MEPE: variants seen among roughly 807,000 people sequenced by gnomAD.
MEPE encodes the protein matrix, extracellular phosphoglycoprotein with ASARM motif (bone).
In MEPE, 7 loss-of-function variants were observed where a neutral mutation model predicts 7.3. That is an observed-to-expected ratio of 0.95 (90% confidence interval 0.54 to 1.79). The LOEUF is 1.79. MEPE is among the 40% of genes most tolerant of loss of function. MEPE has a pLI of 0.00. For synonymous variants in MEPE, 214 were observed against 213.1 expected (o/e 1.00, Z -0.04); for missense variants, 623 against 628.2 (o/e 0.99, Z 0.09).
At chr4:87,841,378 C>A (rs1441645170) in intron 3 of MEPE, among the ~76,000 whole-genome samples, 1 of 152,130 alleles carries the variant, frequency 6.6e-6, no homozygotes, top group East Asian at 1.9e-4. Flanking sequence ...TGATATACTA[C>A]AAAGTTTATT....
chr4:87,830,444 T>G (rs1470531618), upstream of MEPE, among the ~76,000 whole-genome samples: 2 of 152,194 alleles, frequency 1.3e-5, no homozygotes, highest in African/African-American at 4.8e-5. Flanking sequence ...TGGCTGGAGC[T>G]GGAGGCCATT....
In MEPE at chr4:87,824,553, A is replaced by G. The variant is rs540593858; in HGVS notation, c.-13+3082A>G. ...AACAAATGAACATGACTGTGTTCCA[A>G]TAAAACTTTATCTGCCAAAACAGGT... On this transcript the variant is annotated intron_variant, in intron 1 of 3. Coordinates refer to the MEPE transcript ENST00000424957. Among the ~76,000 whole-genome samples the G allele has an allele frequency of 4.9e-4, 74 of 152,354 alleles. No homozygotes were observed. In the South Asian group the frequency reaches 0.015, roughly 31 times the overall value.
rs1369912637 is a variant in MEPE, at chr4:87,846,392, T to A, written c.1524T>A (p.Asp508Glu). 1 of 1,613,972 alleles carries A rather than the reference T, an allele frequency of 6.2e-7. No individual in the cohort carries two copies. The highest frequency in any genetic ancestry group is 1.1e-5 in the South Asian group (1 of 91,074). ...SNRRFSSRRR[D>E]DSSESSDSGS... ...GGAGGTTTAGTTCCCGTAGAAGGGATGACAGTAGTGAGTCATCTGACAGTG... is the reference window on the plus strand; with the variant it reads ...GGAGGTTTAGTTCCCGTAGAAGGGAAGACAGTAGTGAGTCATCTGACAGTG... The change falls in exon 4 of 4, where the codon GAT becomes GAA. Residue 508 changes from aspartate (D) to glutamate (E), a missense_variant. By Grantham distance (45) the Asp-to-Glu change is conservative (BLOSUM62 2). Coordinates refer to ENST00000361056, the MANE Select transcript of MEPE (RefSeq NM_020203.6).
chr4:87,836,565 AAG>A (rs1452969009), intron 2 of MEPE, among the ~76,000 whole-genome samples: 1 of 152,112 alleles, frequency 6.6e-6, no homozygotes, highest in African/African-American at 2.4e-5. Flanking sequence ...TATATTTTTG[AAG>A]AGTGATATAA....
In MEPE at chr4:87,845,590, A is replaced by G; in HGVS notation, c.722A>G (p.Tyr241Cys). ...CCCAGTGATTTTGAAGGCAGCGGTT[A>G]TACAGATCTTCAAGAGAGAGGGGAC... is the stretch of plus-strand genomic sequence containing the variant. ...KIPSDFEGSG[Y>C]TDLQERGDND... Residue 241 changes from tyrosine (Y) to cysteine (C), a missense_variant, in exon 4 of 4, where the codon TAT (tyrosine) becomes TGT (cysteine). Tyr to Cys is a radical substitution (Grantham distance 194, BLOSUM62 -2). Coordinates refer to ENST00000361056, the MANE Select transcript of MEPE (RefSeq NM_020203.6). 6.2e-7 allele frequency: 1 copy of G among 1,613,654 alleles called. No homozygotes were observed. Among genetic ancestry groups the G allele is most frequent in the Non-Finnish European group, 8.5e-7 (1 of 1,179,892 alleles).
intron 1 of MEPE, among the ~76,000 whole-genome samples, chr4:87,823,587 T>G (rs534563912): frequency 3.9e-5 from 6 of 152,346 alleles, no homozygotes; most frequent in African/African-American, 1.4e-4. Context: ...TTGTTTCTGA[T>G]GCGGGCTTCA....
In MEPE at chr4:87,846,357, C is replaced by T. The variant is rs1723264774; in HGVS notation, c.1489C>T (p.His497Tyr). The change falls in exon 4 of 4, where the codon CAT (histidine) becomes TAT (tyrosine). Residue 497 changes from histidine to tyrosine, a missense_variant. Physicochemically the swap from His to Tyr is moderately conservative, Grantham distance 83 (BLOSUM62 2). Coordinates refer to ENST00000361056, the MANE Select transcript of MEPE (RefSeq NM_020203.6). The stretch of plus-strand genomic sequence containing the variant: ...GAAAGGCTCCTGGGGTAGACAACCC[C>T]ATTCCAACAGGAGGTTTAGTTCCCG... ...QGKGSWGRQPHSNRRFSSRRR... is the reference protein window; with the variant it reads ...QGKGSWGRQPYSNRRFSSRRR... 3 of 1,613,954 alleles carry T rather than the reference C, an allele frequency of 1.9e-6. No individual in the cohort carries two copies. Among genetic ancestry groups the T allele is most frequent in the Non-Finnish European group, 8.5e-7 (1 of 1,179,966 alleles).
intron 2 of MEPE, among the ~76,000 whole-genome samples, chr4:87,835,995 AG>A (rs143364649): frequency 0.036 from 5,539 of 152,004 alleles, 304 homozygotes; most frequent in African/African-American, 0.13. Flanking sequence ...TCTCCATTAC[AG>A]GGCCACATTC....
chr4:87,839,885 T>C (rs1722947472), intron 3 of MEPE: 1 of 1,541,618 alleles, frequency 6.5e-7, no homozygotes, highest in Non-Finnish European at 8.7e-7. Flanking sequence ...CTGGGGTTTC[T>C]GTCTTATGGC....
Position 87,846,240 on chromosome 4 carries a change from A to G in MEPE, c.1372A>G (p.Ser458Gly), listed in dbSNP as rs1361654532. The change falls in exon 4 of 4, where the codon AGT (serine) becomes GGT (glycine). Residue 458 changes from serine (S) to glycine (G), a missense_variant. By Grantham distance (56) the Ser-to-Gly change is moderately conservative. Coordinates refer to ENST00000361056, the MANE Select transcript of MEPE (RefSeq NM_020203.6). The stretch of plus-strand genomic sequence containing the variant: ...CGAAATGGATTCCTTTAATGGCCCC[A>G]GTCATGAGAATATAATAACACATGG... Reference protein sequence around the residue: ...KNEMDSFNGPSHENIITHGRK... With the variant: ...KNEMDSFNGPGHENIITHGRK... The G allele has an allele frequency of 1.2e-6, 2 of 1,613,992 alleles. No individual in the cohort carries two copies. The highest frequency in any genetic ancestry group is 4.5e-5 in the East Asian group (2 of 44,898).
chr4:87,830,161 G>A (rs1309468429), upstream of MEPE, among the ~76,000 whole-genome samples: 4 of 152,124 alleles, frequency 2.6e-5, no homozygotes, highest in Admixed American at 6.6e-5. Flanking sequence ...CCTAGTCCTG[G>A]AAGATGTTCT....
intron 3 of MEPE, chr4:87,839,892 T>C (rs1722947792): frequency 3.9e-6 from 6 of 1,540,972 alleles, no homozygotes; most frequent in African/African-American, 1.4e-5. Flanking sequence ...TTCTGTCTTA[T>C]GGCTGGCACT....
At chr4:87,824,924 T>G (rs2109987685) in intron 1 of MEPE, among the ~76,000 whole-genome samples, 1 of 152,284 alleles carries the variant, frequency 6.6e-6, no homozygotes, top group Admixed American at 6.5e-5. Context: ...CACAGCTCAC[T>G]GCAGGCTCGA....
rs1722637890 is a variant in MEPE at position 87,832,996 on chromosome 4, T to C, written c.-31T>C. On this transcript the variant is annotated 5_prime_UTR_variant, in exon 1 of 4. Coordinates refer to ENST00000361056, the MANE Select transcript of MEPE (RefSeq NM_020203.6). ...TCCTGCAACAAGAAGCCAGGTATTC[T>C]GAAGGTGAAAGATACCAGGTAATTT... 1 of 152,206 alleles carries C rather than the reference T, an allele frequency of 6.6e-6. No homozygotes were observed. The highest frequency in any genetic ancestry group is 1.5e-5 in the Non-Finnish European group (1 of 68,032). 9.4% of individuals were successfully genotyped at this position (152,206 alleles called of 1,614,324 possible). A position where few individuals can be genotyped will look rare whatever the true frequency, so the allele number is the denominator to read the frequency against.
At chr4:87,832,383 C>T (rs2109993574), upstream of MEPE, among the ~76,000 whole-genome samples, 1 of 152,266 alleles carries the variant, frequency 6.6e-6, no homozygotes, top group East Asian at 1.9e-4. Flanking sequence ...GTCCCCACCC[C>T]CAATGCTTGT....
intron 1 of MEPE, 121 bp from the exon 2 acceptor site, chr4:87,834,581 CA>C (rs1273255864): frequency 5.7e-6 from 4 of 704,478 alleles, no homozygotes; most frequent in Non-Finnish European, 9.5e-6. Flanking sequence ...CACACATACA[CA>C]AAAGGATATG....
At chr4:87,823,883 T>A (rs1471376849) in intron 1 of MEPE, among the ~76,000 whole-genome samples, 1 of 152,256 alleles carries the variant, frequency 6.6e-6, no homozygotes, top group African/African-American at 2.4e-5. Context: ...TTTATCCATG[T>A]ACAGTGTAGC....
chr4:87,827,214 C>T (rs1722492051), intron 1 of MEPE, among the ~76,000 whole-genome samples: 1 of 152,144 alleles, frequency 6.6e-6, no homozygotes, highest in Non-Finnish European at 1.5e-5. Context: ...GCCAAGTCAA[C>T]ACACAGAACC....
At chr4:87,830,971 CTTA>C (rs1470262896), upstream of MEPE, among the ~76,000 whole-genome samples, 2 of 151,926 alleles carry the variant, frequency 1.3e-5, no homozygotes, top group Non-Finnish European at 2.9e-5. Flanking sequence ...ACACTTAAAT[CTTA>C]TTATATATCA....
Sources: allele counts gnomAD v4.1 joint callset (sites outside exome capture counted in the v4.1 genomes callset), GRCh38; gene constraint gnomAD v4.1.1; transcripts MANE v1.5; gene names NCBI Gene and HGNC (gene_info 2026-07-23, HGNC 2026-07-21).